NUP210L: variants seen among roughly 807,000 people sequenced by gnomAD.
The protein encoded by NUP210L is nuclear pore membrane glycoprotein 210-like.
A neutral mutation model predicts 208.5 loss-of-function variants in NUP210L; 74 were observed. The observed-to-expected ratio is 0.35, with a 90% confidence interval of 0.29 to 0.43. The LOEUF is 0.43. Ranked by LOEUF, NUP210L falls within the 20% of genes least tolerant of loss-of-function variation. The probability of loss-of-function intolerance (pLI) is 1.00; values close to 1 mark genes in which losing one functional copy is unlikely to be tolerated. For missense variants in NUP210L, 1,843 were observed against 2,289.4 expected, an observed-to-expected ratio of 0.81 and a Z score of 3.98; for synonymous variants, 780 against 816.9, an observed-to-expected ratio of 0.95 and a Z score of 0.77.
intron 9 of NUP210L, 57 bp downstream of exon 9, chr1:154,127,254 C>T: frequency 2.6e-6 from 2 of 766,968 alleles, no homozygotes; most frequent in Non-Finnish European, 4.3e-6. Context: ...GTCCACTTTA[C>T]ATCTTATGTA....
chr1:154,043,571 C>A lies in NUP210L; in HGVS notation c.3696+2498G>T, dbSNP rs1445616947. On this transcript the variant is annotated intron_variant, in intron 27 of 39. Transcript: ENST00000368559. ...TCCCGACCTCAGGTGATCCACCTGC[C>A]TTGGCCTCCCAAAGTGAGCCACTGT... Among the ~76,000 whole-genome samples the A allele has an allele frequency of 9.3e-5, 14 of 150,874 alleles. No individual in the cohort carries two copies. The East Asian group carries it at 2.7e-3, about 30-fold the overall frequency.
At chr1:154,101,979 G>A (rs1411509563) in intron 13 of NUP210L, among the ~76,000 whole-genome samples, 1 of 151,982 alleles carries the variant, frequency 6.6e-6, no homozygotes. Flanking sequence ...GTGAAACCCG[G>A]TCTCTACTAA....
intron 12 of NUP210L, among the ~76,000 whole-genome samples, chr1:154,106,122 G>A (rs1222042239): frequency 2.0e-5 from 3 of 151,974 alleles, no homozygotes; most frequent in South Asian, 2.1e-4. Flanking sequence ...TTACCCGGGC[G>A]TGGTGGTGCA....
intron 5 of NUP210L, among the ~76,000 whole-genome samples, chr1:154,138,608 C>T (rs1385684949): frequency 1.3e-5 from 2 of 152,202 alleles, no homozygotes; most frequent in Non-Finnish European, 2.9e-5. Flanking sequence ...ACTTTCCACT[C>T]TCTGTTGAAC....
intron 27 of NUP210L, among the ~76,000 whole-genome samples, chr1:154,044,630 T>C (rs1266714014): frequency 6.6e-6 from 1 of 152,156 alleles, no homozygotes; most frequent in African/African-American, 2.4e-5. Context: ...CTTTTCTTTT[T>C]AGCTGGCTGC....
At chr1:154,114,398 A>G (rs1657210590) in intron 12 of NUP210L, among the ~76,000 whole-genome samples, 1 of 152,080 alleles carries the variant, frequency 6.6e-6, no homozygotes, top group Admixed American at 6.6e-5. Flanking sequence ...TGACATTTAC[A>G]TTACACAGGA....
At chr1:154,086,537 A>G (rs1380157286) in intron 16 of NUP210L, among the ~76,000 whole-genome samples, 1 of 152,068 alleles carries the variant, frequency 6.6e-6, no homozygotes, top group Non-Finnish European at 1.5e-5. Flanking sequence ...GAGGCCAAGC[A>G]TGGTGGCTTA....
intron 2 of NUP210L, among the ~76,000 whole-genome samples, chr1:154,149,841 CAG>C (rs1187039190): frequency 6.6e-6 from 1 of 152,114 alleles, no homozygotes; most frequent in African/African-American, 2.4e-5. Flanking sequence ...AATAATATAA[CAG>C]ATATTTTTAT....
intron 7 of NUP210L, 112 bp from the exon 8 acceptor site, chr1:154,129,457 C>A: frequency 1.4e-6 from 1 of 728,300 alleles, no homozygotes; most frequent in East Asian, 2.5e-5. Flanking sequence ...AAACAAAAAT[C>A]CTATCTTTTA....
At chr1:154,061,073 G>A (rs748201035) in intron 18 of NUP210L, 27 bp from the exon 19 acceptor site, 2 of 1,506,988 alleles carry the variant, frequency 1.3e-6, no homozygotes, top group Admixed American at 3.4e-5. Context: ...AACCACAAAA[G>A]TGAATATAAA....
intron 27 of NUP210L, among the ~76,000 whole-genome samples, chr1:154,043,317 G>A (rs1278882067): frequency 6.6e-6 from 1 of 150,442 alleles, no homozygotes; most frequent in Admixed American, 6.6e-5. Flanking sequence ...ACTGCACTCC[G>A]CCTTTTTTTT....
At chr1:154,127,553 CTTTTTTTTTTTT>C in intron 8 of NUP210L, 136 bp from the exon 9 acceptor site, 1 of 184,326 alleles carries the variant, frequency 5.4e-6, no homozygotes, top group South Asian at 9.3e-5. Context: ...AAAGTAGGTT[CTTTTTTTTTTTT>C]TTTTTTTTTG....
chr1:154,010,220 A>C lies in NUP210L; in HGVS notation c.4781-99T>G, dbSNP rs926829823. On this transcript the variant is annotated intron_variant, in intron 34 of 39. Coordinates refer to ENST00000368559, the Ensembl canonical transcript of NUP210L. ...GCAATTTTGAAGCATAAAAAAAATA[A>C]GCAAGAAAGAGGGTCAGTTATGGCT... 16 of 1,144,000 alleles carry C rather than the reference A, an allele frequency of 1.4e-5. No individual in the cohort carries two copies. In the African/African-American group the frequency reaches 2.2e-4, roughly 15 times the overall value. The allele number at this position is 1,144,000 out of a possible 1,614,324, so 70.9% of individuals were successfully genotyped here.
chr1:154,087,757 T>TA (rs2148041932), intron 16 of NUP210L, among the ~76,000 whole-genome samples: 1 of 152,216 alleles, frequency 6.6e-6, no homozygotes, highest in South Asian at 2.1e-4. Flanking sequence ...TACTTAGCCA[T>TA]AAAAAATGCA....
chr1:154,115,129 T>C (rs942954170), intron 12 of NUP210L, among the ~76,000 whole-genome samples: 3 of 152,214 alleles, frequency 2.0e-5, no homozygotes, highest in African/African-American at 7.2e-5. Context: ...TACTAGTCTA[T>C]AGCACCAGCA....
chr1:154,013,605 CAAAA>C (rs549361241), intron 33 of NUP210L, among the ~76,000 whole-genome samples: 1 of 151,368 alleles, frequency 6.6e-6, no homozygotes, highest in Non-Finnish European at 1.5e-5. Flanking sequence ...CAAACAAAAA[CAAAA>C]AAAACACACA....
chr1:154,070,593 T>C (rs1654662925), intron 16 of NUP210L, 128 bp from the exon 17 acceptor site: 1 of 572,560 alleles, frequency 1.7e-6, no homozygotes, highest in Non-Finnish European at 2.9e-6. Flanking sequence ...TGCAAACTTA[T>C]AGCTATTGAA....
chr1:154,039,444 T>G (rs1204168143), intron 27 of NUP210L, among the ~76,000 whole-genome samples: 1 of 151,912 alleles, frequency 6.6e-6, no homozygotes, highest in Admixed American at 6.6e-5. Flanking sequence ...CCATGTTGGC[T>G]AGGCTGGTCT....
intron 27 of NUP210L, among the ~76,000 whole-genome samples, chr1:154,044,338 C>T (rs1303759104): frequency 2.0e-5 from 3 of 149,876 alleles, no homozygotes; most frequent in African/African-American, 7.4e-5. Context: ...ACCCAGGAGG[C>T]GGAGGTTGCA....
Sources: gnomAD v4.1 joint callset for allele counts (sites outside exome capture counted in the v4.1 genomes callset) on GRCh38, gnomAD v4.1.1 for gene constraint, MANE v1.5 for transcripts, NCBI Gene and HGNC (gene_info 2026-07-23, HGNC 2026-07-21) for gene names.